NKAIN3: variants seen among roughly 807,000 people sequenced by gnomAD.
The protein encoded by NKAIN3 is sodium/potassium-transporting ATPase subunit beta-1-interacting protein 3.
NKAIN3 carries 25 observed loss-of-function variants against 30.2 expected under a neutral mutation model. That is an observed-to-expected ratio of 0.83 (90% CI 0.60 to 1.16). The LOEUF (loss-of-function observed/expected upper bound fraction) is 1.16, where lower values mean the gene tolerates loss of function less well. NKAIN3 is among the 50% of genes most tolerant of loss of function. The pLI, the probability that NKAIN3 is intolerant of heterozygous loss-of-function variation, is 0.00. For missense variants in NKAIN3, 225 were observed against 254.1 expected, an observed-to-expected ratio of 0.89 and a Z score of 0.78; for synonymous variants, 91 against 89.6, an observed-to-expected ratio of 1.02 and a Z score of -0.09.
intron 1 of NKAIN3, among the ~76,000 whole-genome samples, chr8:62,272,276 G>A (rs1214715193): frequency 2.6e-5 from 4 of 152,188 alleles, no homozygotes; most frequent in African/African-American, 7.2e-5. Flanking sequence ...ATTTAAGCCT[G>A]TGTGGAGACA....
intron 1 of NKAIN3, among the ~76,000 whole-genome samples, chr8:62,296,047 C>T (rs1813817654): frequency 6.6e-6 from 1 of 152,296 alleles, no homozygotes; most frequent in South Asian, 2.1e-4. Context: ...TCAAAAATCA[C>T]TGCTGGCTTT....
chr8:62,328,617 A>T (rs1815226352), intron 1 of NKAIN3, among the ~76,000 whole-genome samples: 1 of 152,132 alleles, frequency 6.6e-6, no homozygotes, highest in South Asian at 2.1e-4. Context: ...ACACCTTAAC[A>T]TCTCAGAGAT....
intron 1 of NKAIN3, among the ~76,000 whole-genome samples, chr8:62,497,096 A>T (rs915539146): frequency 6.6e-6 from 1 of 152,076 alleles, no homozygotes; most frequent in East Asian, 1.9e-4. Flanking sequence ...GAAAGAGTTG[A>T]TAATCTGGAA....
Position 62,967,554 on chromosome 8 carries a change from T to G in NKAIN3, c.*2147T>G, listed in dbSNP as rs1823740743. On this transcript the variant is annotated 3_prime_UTR_variant, in exon 7 of 7. Coordinates refer to ENST00000623646, the MANE Select transcript of NKAIN3 (RefSeq NM_001304533.3). ...AGCCCACAGAAACAACAAACTCTGTTTTTTAAAAAGCAGCTGGGAAAACCT... is the reference window on the plus strand; with the variant it reads ...AGCCCACAGAAACAACAAACTCTGTGTTTTAAAAAGCAGCTGGGAAAACCT... Among the ~76,000 whole-genome samples, 1 of 152,130 alleles carries G rather than the reference T, an allele frequency of 6.6e-6. No individual in the cohort carries two copies. Among genetic ancestry groups the G allele is most frequent in the South Asian group, 2.1e-4 (1 of 4,832 alleles).
chr8:62,600,964 G>A (rs1320076060), intron 3 of NKAIN3, among the ~76,000 whole-genome samples: 1 of 152,002 alleles, frequency 6.6e-6, no homozygotes, highest in Non-Finnish European at 1.5e-5. Flanking sequence ...CTTCAAGGTT[G>A]GATTCTTCTA....
intron 4 of NKAIN3, among the ~76,000 whole-genome samples, chr8:62,807,415 A>G (rs1023774470): frequency 6.6e-6 from 1 of 152,026 alleles, no homozygotes; most frequent in Non-Finnish European, 1.5e-5. Context: ...TCTATTTACT[A>G]TATTTTTCAC....
chr8:62,346,932 A>G (rs1389062503), intron 1 of NKAIN3, among the ~76,000 whole-genome samples: 1 of 152,082 alleles, frequency 6.6e-6, no homozygotes, highest in Non-Finnish European at 1.5e-5. Context: ...TTCATTTATT[A>G]TGGCCAATCT....
intron 1 of NKAIN3, among the ~76,000 whole-genome samples, chr8:62,498,763 G>T (rs1229018720): frequency 6.6e-6 from 1 of 151,418 alleles, no homozygotes; most frequent in African/African-American, 2.4e-5. Flanking sequence ...TAGGACTTGG[G>T]AAGCAAGTCC....
chr8:62,289,768 G>A (rs1304756459), intron 1 of NKAIN3, among the ~76,000 whole-genome samples: 3 of 152,080 alleles, frequency 2.0e-5, no homozygotes, highest in African/African-American at 7.2e-5. Context: ...GTTTTTTCCA[G>A]TTCCATGAAG....
At chr8:62,698,508 T>G (rs1814234099) in intron 3 of NKAIN3, among the ~76,000 whole-genome samples, 1 of 152,162 alleles carries the variant, frequency 6.6e-6, no homozygotes, top group African/African-American at 2.4e-5. Context: ...GCTCTAGATA[T>G]TTTGCTTTTA....
At chr8:62,625,382 A>G (rs1157090087) in intron 3 of NKAIN3, among the ~76,000 whole-genome samples, 1 of 152,114 alleles carries the variant, frequency 6.6e-6, no homozygotes, top group Non-Finnish European at 1.5e-5. Flanking sequence ...CTGAAGTCAT[A>G]TGGCTAATTA....
At chr8:62,685,765 G>A (rs1813780667) in intron 3 of NKAIN3, among the ~76,000 whole-genome samples, 1 of 152,162 alleles carries the variant, frequency 6.6e-6, no homozygotes, top group South Asian at 2.1e-4. Flanking sequence ...AGCAAGTATG[G>A]TGTGGAAAAA....
intron 3 of NKAIN3, among the ~76,000 whole-genome samples, chr8:62,630,832 T>C (rs1476976383): frequency 6.6e-6 from 1 of 152,126 alleles, no homozygotes; most frequent in Non-Finnish European, 1.5e-5. Context: ...AGAAATCACA[T>C]ATTTCTTCAT....
intron 1 of NKAIN3, among the ~76,000 whole-genome samples, chr8:62,487,967 A>G (rs1437227029): frequency 6.6e-6 from 1 of 152,192 alleles, no homozygotes; most frequent in Non-Finnish European, 1.5e-5. Flanking sequence ...TTTGTAGCTT[A>G]TTAGATTTCT....
intron 3 of NKAIN3, among the ~76,000 whole-genome samples, chr8:62,617,540 G>A (rs573599635): frequency 6.6e-6 from 1 of 152,306 alleles, no homozygotes; most frequent in East Asian, 1.9e-4. Context: ...TTGAAGGACT[G>A]CTGGGTACCA....
intron 1 of NKAIN3, among the ~76,000 whole-genome samples, chr8:62,472,552 A>G (rs1806385505): frequency 6.6e-6 from 1 of 152,196 alleles, no homozygotes; most frequent in Non-Finnish European, 1.5e-5. Context: ...AGGGTAGGTC[A>G]GGGAGAGGAG....
chr8:62,918,077 T>A (rs4535733), intron 4 of NKAIN3, among the ~76,000 whole-genome samples: 118,101 of 152,206 alleles, frequency 0.78, 46,727 homozygotes, highest in East Asian at 0.98. Flanking sequence ...GCTTTTAAAC[T>A]TTAAAATAGT....
intron 4 of NKAIN3, among the ~76,000 whole-genome samples, chr8:62,877,123 C>T (rs939263801): frequency 6.6e-6 from 1 of 152,044 alleles, no homozygotes; most frequent in Non-Finnish European, 1.5e-5. Context: ...GATGAAGGTG[C>T]CAGCTCCCAC....
chr8:62,619,778 T>C (rs984562435), intron 3 of NKAIN3, among the ~76,000 whole-genome samples: 2 of 152,098 alleles, frequency 1.3e-5, no homozygotes, highest in Non-Finnish European at 2.9e-5. Context: ...GAACATGCCT[T>C]TGGCTTTTAG....
Sources: allele counts gnomAD v4.1 joint callset (sites outside exome capture counted in the v4.1 genomes callset), GRCh38; gene constraint gnomAD v4.1.1; transcripts MANE v1.5; gene names NCBI Gene and HGNC (gene_info 2026-07-23, HGNC 2026-07-21).